REDIC1: variants seen among roughly 807,000 people sequenced by gnomAD.
REDIC1 encodes the protein regulator of DNA class I crossover intermediates 1.
At chr12:39,850,686 A>G in the REDIC1 span, among the ~76,000 whole-genome samples, 1 of 152,220 alleles carries the variant, frequency 6.6e-6, no homozygotes, top group African/African-American at 2.4e-5. Context: ...ATTGTAAAAC[A>G]TATATGAATA....
chr12:39,658,438 T>A, the REDIC1 span, among the ~76,000 whole-genome samples: 3 of 152,218 alleles, frequency 2.0e-5, no homozygotes, highest in African/African-American at 7.2e-5. Context: ...ATCCATGAGT[T>A]ATTTAGAAAT....
chr12:39,905,010 G>T, the REDIC1 span, among the ~76,000 whole-genome samples: 26,393 of 152,030 alleles, frequency 0.17, 3,001 homozygotes, highest in Middle Eastern at 0.26. Flanking sequence ...TCAGTTGCTA[G>T]AGCTAAAACT....
the REDIC1 span, among the ~76,000 whole-genome samples, chr12:39,742,906 TG>T: frequency 6.6e-6 from 1 of 152,062 alleles, no homozygotes; most frequent in African/African-American, 2.4e-5. Flanking sequence ...GAAACCTCCG[TG>T]GGAAACAGTG....
chr12:39,734,589 T>C, the REDIC1 span, among the ~76,000 whole-genome samples: 1 of 152,234 alleles, frequency 6.6e-6, no homozygotes, highest in Non-Finnish European at 1.5e-5. Flanking sequence ...GGATTTTTTA[T>C]GTTTGTTTTT....
the REDIC1 span, among the ~76,000 whole-genome samples, chr12:39,847,422 G>C: frequency 6.6e-6 from 1 of 152,030 alleles, no homozygotes; most frequent in Non-Finnish European, 1.5e-5. Flanking sequence ...ATGGCCAAGG[G>C]ATTAATTCTG....
chr12:39,646,755 A>T, the REDIC1 span: 1 of 889,222 alleles, frequency 1.1e-6, no homozygotes, highest in Non-Finnish European at 1.7e-6. Context: ...TGTTTTGTGT[A>T]GAACAGTATG....
chr12:39,669,748 C>A, the REDIC1 span, among the ~76,000 whole-genome samples: 5 of 152,312 alleles, frequency 3.3e-5, no homozygotes, highest in East Asian at 1.9e-4. Flanking sequence ...AAGCCTCCGC[C>A]GTGGTGGGCG....
the REDIC1 span, chr12:39,865,003 C>A: frequency 2.3e-6 from 2 of 886,952 alleles, no homozygotes; most frequent in Non-Finnish European, 1.6e-6. Flanking sequence ...AAAAAAAATA[C>A]CGTGCTCTAT....
the REDIC1 span, among the ~76,000 whole-genome samples, chr12:39,712,696 CGTGT>C: frequency 5.1e-4 from 2 of 3,952 alleles, no homozygotes; most frequent in Non-Finnish European, 1.3e-3. Context: ...TATACGTATA[CGTGT>C]ATATATGTAT....
chr12:39,896,090 GTA>G, the REDIC1 span, among the ~76,000 whole-genome samples: 35 of 106,796 alleles, frequency 3.3e-4, no homozygotes, highest in African/African-American at 1.1e-3. Flanking sequence ...GTACATATAT[GTA>G]TACACGTGTA....
the REDIC1 span, chr12:39,682,688 G>A: frequency 1.9e-6 from 3 of 1,612,064 alleles, no homozygotes; most frequent in Non-Finnish European, 1.7e-6. Flanking sequence ...GATGAAATAA[G>A]ACAGTCAGAC....
At chr12:39,713,577 T>A in the REDIC1 span, among the ~76,000 whole-genome samples, 1 of 150,042 alleles carries the variant, frequency 6.7e-6, no homozygotes, top group Non-Finnish European at 1.5e-5. Context: ...CGCGTACATA[T>A]GTATACACAT....
At chr12:39,790,089 T>A in the REDIC1 span, among the ~76,000 whole-genome samples, 1 of 150,018 alleles carries the variant, frequency 6.7e-6, no homozygotes, top group Admixed American at 6.7e-5. Context: ...ATATATTCAA[T>A]ATAGAAATTA....
the REDIC1 span, among the ~76,000 whole-genome samples, chr12:39,714,679 C>T: frequency 1.3e-5 from 2 of 151,792 alleles, no homozygotes; most frequent in East Asian, 3.9e-4. Context: ...ACATTCCCAC[C>T]AGCAATGTAG....
chr12:39,845,337 T>C, the REDIC1 span, among the ~76,000 whole-genome samples: 1 of 152,132 alleles, frequency 6.6e-6, no homozygotes, highest in Non-Finnish European at 1.5e-5. Context: ...TATCTTCCTA[T>C]GCACCAAGAA....
At chr12:39,696,985 A>C in the REDIC1 span, among the ~76,000 whole-genome samples, 1 of 152,194 alleles carries the variant, frequency 6.6e-6, no homozygotes, top group African/African-American at 2.4e-5. Flanking sequence ...TTACCTCCCA[A>C]GAGAAACATA....
chr12:39,771,596 CA>C, the REDIC1 span, among the ~76,000 whole-genome samples: 1 of 152,168 alleles, frequency 6.6e-6, no homozygotes, highest in East Asian at 1.9e-4. Context: ...AGGCCCTAAG[CA>C]GAGGACACAC....
the REDIC1 span, among the ~76,000 whole-genome samples, chr12:39,723,641 G>A: frequency 3.3e-5 from 5 of 151,918 alleles, no homozygotes; most frequent in African/African-American, 1.2e-4. Flanking sequence ...GAAACAAAAT[G>A]AAAATTTAAT....
the REDIC1 span, among the ~76,000 whole-genome samples, chr12:39,712,184 G>GTATATGTACATGTATATATACCTGTATA: frequency 7.5e-6 from 1 of 134,064 alleles, no homozygotes. Context: ...ATACCTGTAT[G>GTATATGTACATGTATATATACCTGTATA]TATATGTACA....
Sources: gnomAD v4.1 joint callset for allele counts (sites outside exome capture counted in the v4.1 genomes callset) on GRCh38, gnomAD v4.1.1 for gene constraint, MANE v1.5 for transcripts, NCBI Gene and HGNC (gene_info 2026-07-23, HGNC 2026-07-21) for gene names.